TAPT1: variants seen among roughly 807,000 people sequenced by gnomAD.
TAPT1 encodes the protein transmembrane anterior posterior transformation 1.
Under a neutral mutation model 65.6 loss-of-function variants are expected in TAPT1, and 28 were observed. That is an observed-to-expected ratio of 0.43 (90% CI 0.32 to 0.59). The LOEUF is 0.59. Among genes scored for constraint, TAPT1 ranks in the 20% least tolerant of loss-of-function variants. The pLI, the probability that TAPT1 is intolerant of heterozygous loss-of-function variation, is 0.09. For missense variants in TAPT1, 563 were observed against 679.9 expected, an observed-to-expected ratio of 0.83 and a Z score of 1.91; for synonymous variants, 278 against 245.2, an observed-to-expected ratio of 1.13 and a Z score of -1.25.
chr4:16,220,926 G>T (rs1368845094), intron 1 of TAPT1, among the ~76,000 whole-genome samples: 1 of 151,740 alleles, frequency 6.6e-6, no homozygotes, highest in East Asian at 1.9e-4. Flanking sequence ...TAGAGACAGG[G>T]TTTCACTATG....
chr4:16,193,848 T>A (rs557558099), intron 3 of TAPT1, among the ~76,000 whole-genome samples: 38 of 152,306 alleles, frequency 2.5e-4, no homozygotes, highest in African/African-American at 8.4e-4. Flanking sequence ...TAAGTCATGT[T>A]TATAAATTAA....
At chr4:16,196,777 T>C (rs1263290846) in intron 3 of TAPT1, 5 of 952,078 alleles carry the variant, frequency 5.3e-6, no homozygotes, top group Middle Eastern at 4.9e-4. Context: ...CTACGCTACT[T>C]AGAGCTCCAT....
chr4:16,188,130 T>A, intron 5 of TAPT1, 90 bp downstream of exon 5: 1 of 1,112,676 alleles, frequency 9.0e-7, no homozygotes, highest in Non-Finnish European at 1.3e-6. Flanking sequence ...ATTATCTATA[T>A]ATCTTTAAAT....
chr4:16,218,295 C>G (rs1578484995), intron 1 of TAPT1, among the ~76,000 whole-genome samples: 1 of 152,124 alleles, frequency 6.6e-6, no homozygotes, highest in Admixed American at 6.5e-5. Flanking sequence ...ATCCCAGCTA[C>G]TTGGGAGGCT....
At chr4:16,177,748 G>A (rs955293577) in intron 8 of TAPT1, among the ~76,000 whole-genome samples, 7 of 151,966 alleles carry the variant, frequency 4.6e-5, no homozygotes, top group African/African-American at 1.7e-4. Flanking sequence ...ATACAAAATG[G>A]CTAGTGCTGT....
chr4:16,175,599 A>G (rs1748271643), intron 9 of TAPT1, among the ~76,000 whole-genome samples: 1 of 152,188 alleles, frequency 6.6e-6, no homozygotes, highest in Non-Finnish European at 1.5e-5. Flanking sequence ...ATAAATCTAT[A>G]GCCACATATC....
rs759350471 is a variant in TAPT1, at chr4:16,186,801, T to C, written c.826A>G (p.Thr276Ala). 4 of 1,606,992 alleles carry C rather than the reference T, an allele frequency of 2.5e-6. No homozygotes were observed. The highest frequency in any genetic ancestry group is 4.5e-5 in the East Asian group (2 of 44,744). Residue 276 changes from threonine (T) to alanine (A), a missense_variant, in exon 6 of 14, where the codon ACT becomes GCT. By Grantham distance (58) the Thr-to-Ala change is moderately conservative (BLOSUM62 0). Coordinates refer to ENST00000405303, the MANE Select transcript of TAPT1 (RefSeq NM_153365.3). ...AFNSHNKSLL[T>A]IMMSNNFVEI... ...CTTACATTATTAGACATCATGATAG[T>C]AAGCAAAGACTTGTTGTGTGAGTTA... is the stretch of plus-strand genomic sequence containing the variant.
Position 16,226,318 on chromosome 4 carries a change from G to C in TAPT1, c.140C>G (p.Thr47Arg). The change falls in exon 1 of 14, where the codon ACA (threonine) becomes AGA (arginine). Residue 47 changes from threonine to arginine, a missense_variant. By Grantham distance (71) the Thr-to-Arg change is moderately conservative. Coordinates refer to ENST00000405303, the MANE Select transcript of TAPT1 (RefSeq NM_153365.3). ...GQGPPPAPQL[T>R]ETLGFYESDR... Reference sequence around the variant, plus strand: ...GCTCTCGTAGAAGCCCAGCGTCTCTGTGAGCTGAGGCGCCGGCGGGGGCCC... The same window carrying C: ...GCTCTCGTAGAAGCCCAGCGTCTCTCTGAGCTGAGGCGCCGGCGGGGGCCC... The C allele has an allele frequency of 8.9e-7, 1 of 1,124,076 alleles. No homozygotes were observed. Among genetic ancestry groups the C allele is most frequent in the Non-Finnish European group, 1.1e-6 (1 of 919,654 alleles). The allele number at this position is 1,124,076 out of a possible 1,614,324, so 69.6% of individuals were successfully genotyped here. A position where few individuals can be genotyped will look rare whatever the true frequency, so the allele number is the denominator to read the frequency against.
chr4:16,175,252 T>C (rs1471795065), intron 9 of TAPT1, among the ~76,000 whole-genome samples: 3 of 152,134 alleles, frequency 2.0e-5, no homozygotes, highest in South Asian at 2.1e-4. Flanking sequence ...TGACTTCAGA[T>C]GCTAAATAAA....
chr4:16,217,135 C>T (rs2028631), intron 1 of TAPT1, among the ~76,000 whole-genome samples: 64,995 of 151,990 alleles, frequency 0.43, 14,443 homozygotes, highest in African/African-American at 0.55. Context: ...GAAGACTTCC[C>T]TAAGTTTCTC....
upstream of TAPT1, chr4:16,226,515 C>CCCCCTCCCCGCCTCGCCCCG: frequency 1.0e-6 from 1 of 992,962 alleles, no homozygotes; most frequent in Non-Finnish European, 1.2e-6. Flanking sequence ...CTCCGGCCGG[C>CCCCCTCCCCGCCTCGCCCCG]CCCCTCCCCG....
chr4:16,167,346 T>C (rs1360675157), intron 12 of TAPT1, among the ~76,000 whole-genome samples: 1 of 152,210 alleles, frequency 6.6e-6, no homozygotes, highest in Admixed American at 6.5e-5. Flanking sequence ...TGGTATTAAA[T>C]ATTATAACAT....
chr4:16,184,673 CT>C (rs1320201723), intron 7 of TAPT1, among the ~76,000 whole-genome samples: 7 of 152,200 alleles, frequency 4.6e-5, no homozygotes, highest in Non-Finnish European at 2.9e-5. Flanking sequence ...GTGTGCAGTG[CT>C]ATCTCATTAT....
intron 2 of TAPT1, 21 bp from the exon 3 acceptor site, chr4:16,202,601 A>AAC: frequency 3.1e-6 from 4 of 1,307,220 alleles, no homozygotes; most frequent in Middle Eastern, 1.9e-4. Flanking sequence ...ACAAGGAGAG[A>AAC]AGAAAAAAAA....
At chr4:16,217,688 C>T (rs1751020482) in intron 1 of TAPT1, among the ~76,000 whole-genome samples, 1 of 152,076 alleles carries the variant, frequency 6.6e-6, no homozygotes, top group Non-Finnish European at 1.5e-5. Flanking sequence ...TAACAACGTA[C>T]CAATATAAAA....
chr4:16,215,494 C>T (rs1200076886), intron 1 of TAPT1, among the ~76,000 whole-genome samples: 1 of 152,108 alleles, frequency 6.6e-6, no homozygotes, highest in African/African-American at 2.4e-5. Flanking sequence ...TATGTACACA[C>T]ATACACATAC....
Position 16,170,701 on chromosome 4 carries a change from T to A in TAPT1, c.1265A>T (p.Lys422Ile). The A allele has an allele frequency of 6.2e-7, 1 of 1,613,758 alleles. No individual in the cohort carries two copies. Among genetic ancestry groups the A allele is most frequent in the Non-Finnish European group, 8.5e-7 (1 of 1,179,714 alleles). The part of the protein sequence containing the change: ...LLIRVVTSSI[K>I]VQGILSYACV... The stretch of plus-strand genomic sequence containing the variant: ...GGCATAAGACAGGATTCCTTGCACT[T>A]TAATTGAGCTTGTTACAACTCTGAT... Residue 422 changes from lysine (K) to isoleucine (I), a missense_variant, in exon 12 of 14, where the codon AAA (lysine) becomes ATA (isoleucine). Coordinates refer to ENST00000405303, the MANE Select transcript of TAPT1 (RefSeq NM_153365.3).
At chr4:16,225,401 G>A (rs1329582320) in intron 1 of TAPT1, among the ~76,000 whole-genome samples, 1 of 152,192 alleles carries the variant, frequency 6.6e-6, no homozygotes, top group East Asian at 1.9e-4. Flanking sequence ...TTAGTTGGAA[G>A]AAATTTAATG....
chr4:16,174,380 A>C, intron 10 of TAPT1, 108 bp from the exon 11 acceptor site: 2 of 950,112 alleles, frequency 2.1e-6, no homozygotes, highest in South Asian at 3.3e-5. Context: ...GAGGCTATGG[A>C]GCAAGAACAG....
Sources: gnomAD v4.1 joint callset for allele counts (sites outside exome capture counted in the v4.1 genomes callset) on GRCh38, gnomAD v4.1.1 for gene constraint, MANE v1.5 for transcripts, NCBI Gene and HGNC (gene_info 2026-07-23, HGNC 2026-07-21) for gene names.